The following JAKMIP1 variants were observed in gnomAD, a reference collection of about 807,000 sequenced individuals.
The protein encoded by JAKMIP1 is janus kinase and microtubule interacting protein 1.
Under a neutral mutation model 113.0 loss-of-function variants are expected in JAKMIP1, and 33 were observed. The observed-to-expected ratio is 0.29, with a 90% CI of 0.22 to 0.39. JAKMIP1 has a LOEUF of 0.39. Ranked by LOEUF, JAKMIP1 falls within the 10% of genes least tolerant of loss-of-function variation. The pLI, the probability that JAKMIP1 is intolerant of heterozygous loss-of-function variation, is 1.00. For synonymous variants in JAKMIP1, 480 were observed against 459.9 expected (o/e 1.04, Z -0.56); for missense variants, 813 against 1,080.5 (o/e 0.75, Z 3.47).
intron 2 of JAKMIP1, among the ~76,000 whole-genome samples, chr4:6,109,196 G>T (rs1162458261): frequency 7.2e-6 from 1 of 138,272 alleles, no homozygotes; most frequent in Middle Eastern, 4.6e-3. Flanking sequence ...GCAGTGGCAC[G>T]ATCTTGGCTC....
At chr4:6,073,077 TAAAA>T (rs5855900) in intron 8 of JAKMIP1, among the ~76,000 whole-genome samples, 2 of 123,896 alleles carry the variant, frequency 1.6e-5, no homozygotes, top group African/African-American at 3.1e-5. Flanking sequence ...AACTCTGTCT[TAAAA>T]AAAAAAAAAA....
At chr4:6,073,005 C>T (rs1719190312) in intron 8 of JAKMIP1, among the ~76,000 whole-genome samples, 2 of 148,306 alleles carry the variant, frequency 1.3e-5, no homozygotes, top group South Asian at 2.2e-4. Context: ...ACCCGGGAGG[C>T]GGAGGTTGCC....
At position 6,050,806 on chromosome 4, in the gene JAKMIP1, C is replaced by T. The variant is rs1323626769; in HGVS notation, c.1807-127G>A. 2.1e-5 allele frequency: 15 copies of T among 715,598 alleles called. No individual in the cohort carries two copies. Among genetic ancestry groups the T allele is most frequent in the Admixed American group, 1.3e-4 (5 of 39,986 alleles). The allele number at this position is 715,598 out of a possible 1,614,324, so 44.3% of individuals were successfully genotyped here. ...CAGACGTTACTAAAAAGCACGAGTT[C>T]GGACTAGAAGCAGCCTCGTCCGTGA... On this transcript the variant is annotated intron_variant, in intron 13 of 20. Transcript: ENST00000409021. The surrounding 1 kb of genome is among the most constrained non-coding windows in gnomAD (Gnocchi z 7.4).
chr4:6,145,025 C>G (rs4546317), intron 1 of JAKMIP1, among the ~76,000 whole-genome samples: 128,939 of 152,236 alleles, frequency 0.85, 57,170 homozygotes, highest in East Asian at 1. Context: ...ACAATTTCAG[C>G]AATGTGGCAG....
At chr4:6,195,059 G>C (rs892590911) in intron 1 of JAKMIP1, among the ~76,000 whole-genome samples, 2 of 152,238 alleles carry the variant, frequency 1.3e-5, no homozygotes, top group African/African-American at 4.8e-5. Flanking sequence ...CGAGGGATGT[G>C]CAGGGACCAG....
chr4:6,057,487 C>A (rs1716640744), intron 11 of JAKMIP1, among the ~76,000 whole-genome samples: 1 of 152,168 alleles, frequency 6.6e-6, no homozygotes, highest in Non-Finnish European at 1.5e-5. Flanking sequence ...TGGTCCCAAG[C>A]ACATGGAATG....
intron 1 of JAKMIP1, among the ~76,000 whole-genome samples, chr4:6,118,454 G>C (rs1716174313): frequency 6.6e-6 from 1 of 152,154 alleles, no homozygotes; most frequent in Non-Finnish European, 1.5e-5. Context: ...TGGTGTCAGA[G>C]ATGGGTGGGC....
At chr4:6,045,946 T>C (rs1223266657) in intron 16 of JAKMIP1, among the ~76,000 whole-genome samples, 4 of 152,172 alleles carry the variant, frequency 2.6e-5, no homozygotes, top group South Asian at 4.1e-4. Flanking sequence ...GGAATGACAA[T>C]TTTTAAAATA....
rs374984034 is a variant in JAKMIP1 at position 6,194,710 on chromosome 4, C to T, written c.-148+5543G>A. On this transcript the variant is annotated intron_variant, in intron 1 of 20. Transcript: ENST00000409021. This position sits in a 1 kb window ranked among gnomAD's most constrained non-coding sequence, Gnocchi z 7.4. ...AGGGTATTTCTGCCACAATGAGCAC[C>T]CACTGGCAGTCCCTGGCTGGTGCAC... The T allele has an allele frequency of 1.3e-5, 2 of 152,306 alleles. No individual in the cohort carries two copies. The highest frequency in any genetic ancestry group is 3.9e-4 in the East Asian group (2 of 5,168). 9.4% of individuals were successfully genotyped at this position (152,306 alleles called of 1,614,324 possible).
At position 6,080,369 on chromosome 4, in the gene JAKMIP1, G is replaced by A; in HGVS notation, c.1102-57C>T. On this transcript the variant is annotated intron_variant, in intron 6 of 20. Transcript: ENST00000409021. This position sits in a 1 kb window ranked among gnomAD's most constrained non-coding sequence, Gnocchi z 6.0. ...GTTACCCGCCAACAGTGTTTGTTAG[G>A]GACAGTGCTGGAGTGGAGCTCAGGG... 2 of 1,589,004 alleles carry A rather than the reference G, an allele frequency of 1.3e-6. No individual in the cohort carries two copies. The highest frequency in any genetic ancestry group is 1.7e-6 in the Non-Finnish European group (2 of 1,166,386).
At position 6,081,013 on chromosome 4, in the gene JAKMIP1, A is replaced by ACACACACACACACACACACACACACACC. The variant is rs1454749071; in HGVS notation, c.1101+595_1101+596insGGTGTGTGTGTGTGTGTGTGTGTGTGTG. Among the ~76,000 whole-genome samples the ACACACACACACACACACACACACACACC allele has an allele frequency of 6.6e-6, 1 of 151,154 alleles. No homozygotes were observed. Among genetic ancestry groups the ACACACACACACACACACACACACACACC allele is most frequent in the African/African-American group, 2.4e-5 (1 of 41,118 alleles). Reference sequence around the variant, plus strand: ...CACACACACACACACACACACACACACCTGCATCTGCTACAGTGCAGACAG... The same window carrying ACACACACACACACACACACACACACACC: ...CACACACACACACACACACACACACACACACACACACACACACACACACACACCCCTGCATCTGCTACAGTGCAGACAG... On this transcript the variant is annotated intron_variant, in intron 6 of 20. Transcript: ENST00000409021. The surrounding 1 kb of genome is among the most constrained non-coding windows in gnomAD (Gnocchi z 4.6).
chr4:6,105,596 C>T lies in JAKMIP1; in HGVS notation c.501G>A (p.Glu167=). 1 of 1,597,316 alleles carries T rather than the reference C, an allele frequency of 6.3e-7. No individual in the cohort carries two copies. Reference sequence around the variant, plus strand: ...CAGCCTGCATGCAGTTACTGAGCGCCTCCTCTGCCTGCTTGCGCGCTGCCT... The same window carrying T: ...CAGCCTGCATGCAGTTACTGAGCGCTTCCTCTGCCTGCTTGCGCGCTGCCT... ...ELKAARKQAE[E]ALSNCMQADK... Residue 167 remains glutamate, a synonymous_variant, in exon 3 of 21, where the codon GAG becomes GAA. Coordinates refer to ENST00000409021, the MANE Select transcript of JAKMIP1 (RefSeq NM_001099433.2).
intron 19 of JAKMIP1, among the ~76,000 whole-genome samples, chr4:6,034,085 G>A (rs1713086934): frequency 9.1e-6 from 1 of 110,434 alleles, no homozygotes; most frequent in African/African-American, 5.9e-5. Context: ...TTTTCAAACA[G>A]GTGTTTTAGT....
chr4:6,145,971 CT>C (rs1049310414), intron 1 of JAKMIP1, among the ~76,000 whole-genome samples: 1 of 152,154 alleles, frequency 6.6e-6, no homozygotes, highest in African/African-American at 2.4e-5. Context: ...AGGATGAAGG[CT>C]TCGACATAGG....
Position 6,168,142 on chromosome 4 carries a change from A to G in JAKMIP1, c.-148+32111T>C, listed in dbSNP as rs980490676. Among the ~76,000 whole-genome samples the G allele has an allele frequency of 6.6e-6, 1 of 152,164 alleles. No individual in the cohort carries two copies. The highest frequency in any genetic ancestry group is 2.4e-5 in the African/African-American group (1 of 41,440). ...GCAATCAAAAAAGCGCACAACAACA[A>G]GTGTGGGTGAGCATGTGGGGAACTG... On this transcript the variant is annotated intron_variant, in intron 1 of 20. Coordinates refer to ENST00000409021, the MANE Select transcript of JAKMIP1 (RefSeq NM_001099433.2). The surrounding 1 kb of genome is among the most constrained non-coding windows in gnomAD (Gnocchi z 4.6).
At position 6,096,107 on chromosome 4, in the gene JAKMIP1, A is replaced by G. The variant is rs376803418; in HGVS notation, c.624+9366T>C. On this transcript the variant is annotated intron_variant, in intron 3 of 20. Transcript: ENST00000409021. ...GGCTGGAGCGCTCCCGGCCAAGGAC[A>G]CAGGAGTGCCTGTGCAAGGGCCCTG... is the stretch of plus-strand genomic sequence containing the variant. 6.9e-3 allele frequency among the ~76,000 whole-genome samples: 1,047 copies of G among 152,294 alleles called. 14 individuals are homozygous for G. Among genetic ancestry groups the G allele is most frequent in the Middle Eastern group, 0.031 (9 of 294 alleles).
chr4:6,098,330 G>A (rs1394091065), intron 3 of JAKMIP1, among the ~76,000 whole-genome samples: 1 of 152,058 alleles, frequency 6.6e-6, no homozygotes. Flanking sequence ...CTACCCGGGA[G>A]GCTGAGGCAG....
At chr4:6,037,700 T>C (rs1431578305) in intron 18 of JAKMIP1, among the ~76,000 whole-genome samples, 77 of 121,466 alleles carry the variant, frequency 6.3e-4, no homozygotes, top group Non-Finnish European at 7.9e-4. Context: ...CCTCCATCAC[T>C]GAGTCAGAGG....
intron 1 of JAKMIP1, among the ~76,000 whole-genome samples, chr4:6,166,680 T>C (rs1023644965): frequency 1.3e-5 from 2 of 152,364 alleles, no homozygotes; most frequent in African/African-American, 4.8e-5. Flanking sequence ...TTCTCTATCA[T>C]GGTGTAGCCA....
Sources: gnomAD v4.1 joint callset for allele counts (sites outside exome capture counted in the v4.1 genomes callset) on GRCh38, gnomAD v4.1.1 for gene constraint, Gnocchi (gnomAD v3.1) non-coding constraint, MANE v1.5 for transcripts, NCBI Gene and HGNC (gene_info 2026-07-23, HGNC 2026-07-21) for gene names.